The following ADGRB3 variants were observed in gnomAD, a reference collection of about 807,000 sequenced individuals.
ADGRB3 encodes brain-specific angiogenesis inhibitor 3.
A neutral mutation model predicts 193.4 loss-of-function variants in ADGRB3; 37 were observed. The ratio of observed to expected loss-of-function variants is 0.19; its 90% CI spans 0.15 to 0.25. The LOEUF (loss-of-function observed/expected upper bound fraction) is 0.25, where lower values mean the gene tolerates loss of function less well. Ranked by LOEUF, ADGRB3 falls within the 10% of genes least tolerant of loss-of-function variation. The pLI, the probability that ADGRB3 is intolerant of heterozygous loss-of-function variation, is 1.00. For missense variants in ADGRB3, 1,637 were observed against 1,852.9 expected (o/e 0.88, Z 2.14); for synonymous variants, 690 against 644.2 (o/e 1.07, Z -1.08).
At chr6:68,812,780 C>A (rs1767538865) in intron 3 of ADGRB3, among the ~76,000 whole-genome samples, 1 of 151,854 alleles carries the variant, frequency 6.6e-6, no homozygotes, top group Admixed American at 6.6e-5. Context: ...ACCCATCAAC[C>A]CGTCATCTAC....
chr6:68,641,071 C>CA (rs1341504312), intron 3 of ADGRB3, among the ~76,000 whole-genome samples: 1 of 152,120 alleles, frequency 6.6e-6, no homozygotes, highest in Non-Finnish European at 1.5e-5. Context: ...ACAGTACACA[C>CA]AAAAAATGTG....
At chr6:68,983,463 A>T (rs1768983860) in intron 10 of ADGRB3, among the ~76,000 whole-genome samples, 1 of 149,030 alleles carries the variant, frequency 6.7e-6, no homozygotes. Context: ...AGTATATAAC[A>T]TATATATAGT....
At chr6:68,907,347 TTG>T (rs1417520947) in intron 3 of ADGRB3, among the ~76,000 whole-genome samples, 1 of 151,948 alleles carries the variant, frequency 6.6e-6, no homozygotes, top group Non-Finnish European at 1.5e-5. Flanking sequence ...TTTAAATGAT[TTG>T]TTTCTTTTTT....
intron 28 of ADGRB3, among the ~76,000 whole-genome samples, chr6:69,358,286 G>A (rs1168842905): frequency 2.0e-5 from 3 of 151,812 alleles, no homozygotes; most frequent in Non-Finnish European, 2.9e-5. Flanking sequence ...ACTGGAGGTT[G>A]GGGTATAGGA....
intron 13 of ADGRB3, among the ~76,000 whole-genome samples, chr6:69,046,072 G>T (rs1449859793): frequency 1.3e-5 from 2 of 152,132 alleles, no homozygotes; most frequent in Non-Finnish European, 2.9e-5. Flanking sequence ...GTAAAGTGAT[G>T]TATGGTTCAT....
At chr6:68,883,198 C>A (rs767593569) in intron 3 of ADGRB3, among the ~76,000 whole-genome samples, 1 of 152,180 alleles carries the variant, frequency 6.6e-6, no homozygotes, top group Non-Finnish European at 1.5e-5. Context: ...TGTGTCTAAT[C>A]TGGTGAGGAC....
chr6:69,354,183 C>G (rs1479130151), intron 26 of ADGRB3, 50 bp from the exon 27 acceptor site: 1 of 1,344,852 alleles, frequency 7.4e-7, no homozygotes, highest in Non-Finnish European at 1.1e-6. Flanking sequence ...TAGACAGTAT[C>G]TTGTCATTAT....
At chr6:69,098,470 A>G (rs1281118376) in intron 17 of ADGRB3, among the ~76,000 whole-genome samples, 1 of 152,210 alleles carries the variant, frequency 6.6e-6, no homozygotes, top group Non-Finnish European at 1.5e-5. Flanking sequence ...TTATGAGGAA[A>G]AGAGGTTTAA....
chr6:69,083,889 C>T (rs1197233853), intron 17 of ADGRB3, among the ~76,000 whole-genome samples: 3 of 151,600 alleles, frequency 2.0e-5, no homozygotes, highest in African/African-American at 7.3e-5. Flanking sequence ...ATTCTCCTGC[C>T]TCAGCCTCCT....
intron 3 of ADGRB3, among the ~76,000 whole-genome samples, chr6:68,914,403 A>G (rs561566233): frequency 3.3e-4 from 51 of 152,286 alleles, no homozygotes; most frequent in South Asian, 8.3e-4. Flanking sequence ...ATTCTTAAAG[A>G]AAAGAATTTT....
chr6:69,377,297 C>T (rs1379610619), intron 30 of ADGRB3, among the ~76,000 whole-genome samples: 1 of 152,038 alleles, frequency 6.6e-6, no homozygotes, highest in African/African-American at 2.4e-5. Flanking sequence ...GAAGCAACCT[C>T]AGAATCAGGA....
chr6:68,969,818 A>G (rs1238988603), intron 8 of ADGRB3, among the ~76,000 whole-genome samples: 2 of 152,348 alleles, frequency 1.3e-5, no homozygotes, highest in South Asian at 2.1e-4. Context: ...GAAGCACTGC[A>G]CTGGTCTCCT....
Position 68,858,936 on chromosome 6 carries a change from G to A in ADGRB3, c.758-71623G>A, listed in dbSNP as rs185579352. Among the ~76,000 whole-genome samples, 22 of 152,296 alleles carry A rather than the reference G, an allele frequency of 1.4e-4. 2 individuals carry two copies. Among genetic ancestry groups the A allele is most frequent in the Non-Finnish European group, 2.6e-4 (18 of 68,030 alleles). On this transcript the variant is annotated intron_variant, in intron 3 of 31. Transcript: ENST00000370598. ...ATTTTCCTCATTGTTTTGGAGATTA[G>A]CATTTGGCTCCTTATTACTTATGCA...
chr6:68,934,710 A>G (rs1211622097), intron 4 of ADGRB3, among the ~76,000 whole-genome samples: 5 of 152,162 alleles, frequency 3.3e-5, no homozygotes, highest in Non-Finnish European at 7.4e-5. Context: ...TTACATGCAC[A>G]TATACACATA....
chr6:69,054,188 A>G (rs1393030384), intron 15 of ADGRB3, among the ~76,000 whole-genome samples: 1 of 152,222 alleles, frequency 6.6e-6, no homozygotes, highest in Non-Finnish European at 1.5e-5. Context: ...AAAAGTTATT[A>G]CAAAATTATT....
chr6:69,245,196 C>T (rs1478937468), intron 20 of ADGRB3, among the ~76,000 whole-genome samples: 21 of 152,042 alleles, frequency 1.4e-4, no homozygotes, highest in Admixed American at 1.4e-3. Context: ...AGTTTCTTGT[C>T]TCTATCAGGT....
intron 17 of ADGRB3, among the ~76,000 whole-genome samples, chr6:69,184,628 G>T (rs910532124): frequency 6.6e-6 from 1 of 151,922 alleles, no homozygotes; most frequent in Non-Finnish European, 1.5e-5. Flanking sequence ...TGGAGAAATT[G>T]GACTTTTTAG....
chr6:69,304,315 A>G (rs1218061868), intron 20 of ADGRB3, among the ~76,000 whole-genome samples: 1 of 149,600 alleles, frequency 6.7e-6, no homozygotes, highest in African/African-American at 2.5e-5. Flanking sequence ...AGACAAAAAT[A>G]TAACATCCAT....
At chr6:68,836,554 G>A (rs1033435795) in intron 3 of ADGRB3, among the ~76,000 whole-genome samples, 1 of 152,154 alleles carries the variant, frequency 6.6e-6, no homozygotes, top group Non-Finnish European at 1.5e-5. Flanking sequence ...AATGTGGTCA[G>A]TGCCCTCTGA....
Sources: gnomAD v4.1 joint callset for allele counts (sites outside exome capture counted in the v4.1 genomes callset) on GRCh38, gnomAD v4.1.1 for gene constraint, MANE v1.5 for transcripts, NCBI Gene and HGNC (gene_info 2026-07-23, HGNC 2026-07-21) for gene names.